Variants in INVS observed in about 807,000 individuals in gnomAD.
INVS encodes inversion of embryo turning homolog.
In INVS, 86 loss-of-function variants were observed where a neutral mutation model predicts 108.8. That is an observed-to-expected ratio of 0.79 (90% CI 0.66 to 0.95). The LOEUF (loss-of-function observed/expected upper bound fraction) is 0.95, where lower values mean the gene tolerates loss of function less well. Ranked by LOEUF, INVS falls within the 40% of genes least tolerant of loss-of-function variation. INVS has a pLI of 0.00. For synonymous variants in INVS, 455 were observed against 473.5 expected (o/e 0.96, Z 0.51); for missense variants, 1,169 against 1,297.4 (o/e 0.90, Z 1.52).
chr9:100,267,049 T>A lies in INVS; in HGVS notation c.1571+2121T>A, dbSNP rs113069642. On this transcript the variant is annotated intron_variant, in intron 11 of 16. Transcript: ENST00000262457. ...AAAAAAAAAAAAAAAAAAAAGAAAGTTTAAGAATCCTTAGACTTAGTGATG... is the reference window on the plus strand; with the variant it reads ...AAAAAAAAAAAAAAAAAAAAGAAAGATTAAGAATCCTTAGACTTAGTGATG... Among the ~76,000 whole-genome samples, 921 of 134,618 alleles carry A rather than the reference T, an allele frequency of 6.8e-3. 9 individuals are homozygous for A. Among genetic ancestry groups the A allele is most frequent in the Middle Eastern group, 0.012 (3 of 242 alleles). The allele number at this position is 134,618 out of a possible 152,430, so 88.3% of individuals were successfully genotyped here.
intron 3 of INVS, among the ~76,000 whole-genome samples, chr9:100,139,315 C>T (rs1212013202): frequency 6.6e-6 from 1 of 152,122 alleles, no homozygotes; most frequent in Non-Finnish European, 1.5e-5. Flanking sequence ...TTTGATAGTT[C>T]ATTGTTTTCT....
intron 3 of INVS, among the ~76,000 whole-genome samples, chr9:100,161,069 G>T (rs190267325): frequency 1.3e-5 from 2 of 150,156 alleles, no homozygotes; most frequent in African/African-American, 4.9e-5. Context: ...GTCTTCTTAT[G>T]ACAAAAATTT....
intron 3 of INVS, among the ~76,000 whole-genome samples, chr9:100,216,003 G>A (rs547012571): frequency 6.6e-6 from 1 of 152,224 alleles, no homozygotes; most frequent in East Asian, 1.9e-4. Context: ...GGATCCTAGT[G>A]GCAAATCCCA....
rs558700938 is a variant in INVS, at chr9:100,187,600, C to T, written c.274-38462C>T. 2.8e-5 allele frequency among the ~76,000 whole-genome samples: 4 copies of T among 144,788 alleles called. No individual in the cohort carries two copies. In the East Asian group the frequency reaches 5.9e-4, roughly 21 times the overall value. 95.0% of individuals were successfully genotyped at this position (144,788 alleles called of 152,430 possible). ...GGAGGGCAGTGGCGTGATCTCAGCT[C>T]ACCACAACCTCCGCCTCCCAGGTTC... On this transcript the variant is annotated intron_variant, in intron 3 of 16. Transcript: ENST00000262457.
Position 100,300,810 on chromosome 9 carries a change from T to A in INVS, c.*136T>A. 1.4e-6 allele frequency: 1 copy of A among 691,332 alleles called. No individual in the cohort carries two copies. The highest frequency in any genetic ancestry group is 2.6e-6 in the Non-Finnish European group (1 of 384,722). 42.8% of individuals were successfully genotyped at this position (691,332 alleles called of 1,614,324 possible). On this transcript the variant is annotated 3_prime_UTR_variant, in exon 17 of 17. Coordinates refer to ENST00000262457, the MANE Select transcript of INVS (RefSeq NM_014425.5). ...AAGGCTGATTCACCTAAAAATGTGT[T>A]AACTGAAAGAAAATGTCAGAATGTT...
At chr9:100,165,666 A>G (rs1259475112) in intron 3 of INVS, among the ~76,000 whole-genome samples, 3 of 152,122 alleles carry the variant, frequency 2.0e-5, no homozygotes, top group East Asian at 3.9e-4. Context: ...TCATTTTAAC[A>G]TATTTACTAT....
chr9:100,100,297 G>C (rs931143919), intron 1 of INVS, among the ~76,000 whole-genome samples: 2 of 151,588 alleles, frequency 1.3e-5, no homozygotes, highest in Non-Finnish European at 2.9e-5. Flanking sequence ...CAGTGATAGA[G>C]CCAATACTCT....
intron 3 of INVS, among the ~76,000 whole-genome samples, chr9:100,213,574 A>C (rs1830899710): frequency 6.6e-6 from 1 of 152,108 alleles, no homozygotes; most frequent in Non-Finnish European, 1.5e-5. Flanking sequence ...TTTACCCTAA[A>C]TATAAGCTAA....
At chr9:100,225,992 AT>A in intron 3 of INVS, 69 bp from the exon 4 acceptor site, 1 of 1,102,756 alleles carries the variant, frequency 9.1e-7, no homozygotes, top group Non-Finnish European at 1.3e-6. Flanking sequence ...TACTTAAAAC[AT>A]TTTAAAATTA....
At chr9:100,114,468 C>T (rs1312608976) in intron 2 of INVS, among the ~76,000 whole-genome samples, 2 of 119,066 alleles carry the variant, frequency 1.7e-5, no homozygotes, top group Non-Finnish European at 3.2e-5. Context: ...GTGGTACAAT[C>T]ATGACTCACT....
At chr9:100,193,154 T>A (rs984955366) in intron 3 of INVS, among the ~76,000 whole-genome samples, 9 of 152,010 alleles carry the variant, frequency 5.9e-5, no homozygotes, top group Non-Finnish European at 1.2e-4. Flanking sequence ...ATTTTTAAAA[T>A]TTTTTTGTAG....
At chr9:100,133,931 T>C (rs1402664818) in intron 3 of INVS, among the ~76,000 whole-genome samples, 2 of 152,138 alleles carry the variant, frequency 1.3e-5, no homozygotes, top group Admixed American at 6.6e-5. Flanking sequence ...AAGCAAACAT[T>C]CCTTTTTTTA....
intron 12 of INVS, among the ~76,000 whole-genome samples, chr9:100,274,030 T>G (rs915032940): frequency 2.6e-5 from 4 of 152,172 alleles, no homozygotes; most frequent in South Asian, 4.1e-4. Context: ...TAGCTGTCTG[T>G]GCCTCTTGCA....
At chr9:100,198,675 C>G (rs1157339407) in intron 3 of INVS, among the ~76,000 whole-genome samples, 1 of 151,774 alleles carries the variant, frequency 6.6e-6, no homozygotes, top group Non-Finnish European at 1.5e-5. Context: ...TCACTGCAAC[C>G]TCCATCTCTG....
At chr9:100,148,518 A>G (rs573379251) in intron 3 of INVS, among the ~76,000 whole-genome samples, 8 of 152,222 alleles carry the variant, frequency 5.3e-5, no homozygotes, top group Non-Finnish European at 1.2e-4. Flanking sequence ...TACAAAGGAT[A>G]TAATGCCATA....
Position 100,252,364 on chromosome 9 carries a change from A to G in INVS, c.1160A>G (p.Asp387Gly). Residue 387 changes from aspartate (D) to glycine (G), a missense_variant, in exon 9 of 17, where the codon GAT (aspartate) becomes GGT (glycine). Asp to Gly is a moderately conservative substitution (Grantham distance 94). Coordinates refer to ENST00000262457, the MANE Select transcript of INVS (RefSeq NM_014425.5). ...AATAATGCTCAAGTAGATGCTACTGATGTTATGAAACATACTCCACTTTTC... is the reference window on the plus strand; with the variant it reads ...AATAATGCTCAAGTAGATGCTACTGGTGTTATGAAACATACTCCACTTTTC... ...LENNAQVDAT[D>G]VMKHTPLFRA... The G allele has an allele frequency of 3.7e-6, 6 of 1,613,990 alleles. No homozygotes were observed. The highest frequency in any genetic ancestry group is 5.1e-6 in the Non-Finnish European group (6 of 1,179,858).
chr9:100,191,832 T>C (rs1337205508), intron 3 of INVS, among the ~76,000 whole-genome samples: 3 of 152,238 alleles, frequency 2.0e-5, no homozygotes, highest in Non-Finnish European at 2.9e-5. Context: ...TTTTTGAATT[T>C]ATTTTTCATT....
intron 3 of INVS, among the ~76,000 whole-genome samples, chr9:100,186,644 G>C (rs982524919): frequency 6.6e-6 from 1 of 151,874 alleles, no homozygotes; most frequent in Admixed American, 6.6e-5. Context: ...TTTTCCAGAT[G>C]TTGGCCATTT....
At chr9:100,280,495 A>C (rs1833242245) in intron 12 of INVS, among the ~76,000 whole-genome samples, 1 of 152,156 alleles carries the variant, frequency 6.6e-6, no homozygotes, top group African/African-American at 2.4e-5. Flanking sequence ...CATAGTAGGT[A>C]GGAAAAAAAA....
Sources: allele counts gnomAD v4.1 joint callset (sites outside exome capture counted in the v4.1 genomes callset), GRCh38; gene constraint gnomAD v4.1.1; transcripts MANE v1.5; gene names NCBI Gene and HGNC (gene_info 2026-07-23, HGNC 2026-07-21).